SLC4A4: variants seen among roughly 807,000 people sequenced by gnomAD.
SLC4A4 encodes solute carrier family 4 member 4, also known as electrogenic sodium bicarbonate cotransporter 1.
Under a neutral mutation model 111.5 loss-of-function variants are expected in SLC4A4, and 27 were observed. The ratio of observed to expected loss-of-function variants is 0.24; its 90% CI spans 0.18 to 0.33. The LOEUF is 0.33. Among genes scored for constraint, SLC4A4 ranks in the 10% least tolerant of loss-of-function variants. The pLI is 1.00. For missense variants in SLC4A4, 909 were observed against 1,315.5 expected, an observed-to-expected ratio of 0.69 and a Z score of 4.78; for synonymous variants, 443 against 463.4, an observed-to-expected ratio of 0.96 and a Z score of 0.57.
chr4:71,396,276 G>A (rs898642958), intron 6 of SLC4A4, among the ~76,000 whole-genome samples: 4 of 152,190 alleles, frequency 2.6e-5, no homozygotes, highest in African/African-American at 4.8e-5. Context: ...TTGATGAAAT[G>A]CAGCAGAGTG....
intron 6 of SLC4A4, among the ~76,000 whole-genome samples, chr4:71,365,619 A>T (rs1394713078): frequency 1.3e-5 from 2 of 152,192 alleles, no homozygotes; most frequent in Non-Finnish European, 2.9e-5. Context: ...AATACAAAGG[A>T]CAAAAAGGAG....
At chr4:71,215,718 A>G (rs1448243099) in intron 1 of SLC4A4, among the ~76,000 whole-genome samples, 1 of 152,170 alleles carries the variant, frequency 6.6e-6, no homozygotes, top group African/African-American at 2.4e-5. Context: ...AGTGGTAACT[A>G]CTGGGTGTGT....
At chr4:71,547,591 C>A in intron 19 of SLC4A4, 57 bp from the exon 20 acceptor site, 2 of 1,396,280 alleles carry the variant, frequency 1.4e-6, no homozygotes, top group East Asian at 4.6e-5. Context: ...GGTGAAAAGA[C>A]AAGAGCATGT....
At chr4:71,341,682 A>G (rs1728918102) in intron 4 of SLC4A4, among the ~76,000 whole-genome samples, 1 of 152,108 alleles carries the variant, frequency 6.6e-6, no homozygotes. Context: ...TTGTAGGCTT[A>G]TGGATTTATT....
At chr4:71,494,578 A>G (rs757725455) in intron 15 of SLC4A4, among the ~76,000 whole-genome samples, 1 of 151,896 alleles carries the variant, frequency 6.6e-6, no homozygotes, top group Non-Finnish European at 1.5e-5. Context: ...GCCTCCCTAA[A>G]TGCTGGGATT....
intron 7 of SLC4A4, among the ~76,000 whole-genome samples, chr4:71,428,236 C>T (rs1049954032): frequency 3.3e-5 from 5 of 152,044 alleles, no homozygotes; most frequent in African/African-American, 1.2e-4. Context: ...GCTGTTAGAC[C>T]TGGGCTCTCC....
At chr4:71,495,909 A>T (rs1223338953) in intron 15 of SLC4A4, among the ~76,000 whole-genome samples, 2 of 152,106 alleles carry the variant, frequency 1.3e-5, no homozygotes, top group Admixed American at 6.6e-5. Flanking sequence ...CCACATTGGC[A>T]TCCATTTAGA....
chr4:71,236,761 T>G, intron 2 of SLC4A4, 112 bp downstream of exon 2: 1 of 872,498 alleles, frequency 1.1e-6, no homozygotes, highest in Non-Finnish European at 1.8e-6. Context: ...ACCAAACCTT[T>G]TCTATAGAGT....
intron 3 of SLC4A4, among the ~76,000 whole-genome samples, chr4:71,281,752 G>A (rs2149092388): frequency 6.6e-6 from 1 of 152,282 alleles, no homozygotes; most frequent in Admixed American, 6.5e-5. Flanking sequence ...TAATGCTACA[G>A]TGGGTTATTG....
chr4:71,144,503 T>G (rs1341103696), intron 2 of SLC4A4, among the ~76,000 whole-genome samples: 1 of 152,082 alleles, frequency 6.6e-6, no homozygotes, highest in Non-Finnish European at 1.5e-5. Flanking sequence ...GGTAGCTTGA[T>G]GGGGATGGCA....
chr4:71,386,606 G>A (rs536310729), intron 6 of SLC4A4, among the ~76,000 whole-genome samples: 1 of 151,542 alleles, frequency 6.6e-6, no homozygotes, highest in Non-Finnish European at 1.5e-5. Flanking sequence ...TTGGCTGTAT[G>A]TATAATCTCA....
At chr4:71,351,049 C>T (rs527526081) in intron 5 of SLC4A4, among the ~76,000 whole-genome samples, 2 of 152,262 alleles carry the variant, frequency 1.3e-5, no homozygotes, top group African/African-American at 4.8e-5. Context: ...AACAATGGCT[C>T]CAGTTTGGAA....
chr4:71,096,669 G>A (rs1742565979), intron 2 of SLC4A4, among the ~76,000 whole-genome samples: 1 of 152,126 alleles, frequency 6.6e-6, no homozygotes. Context: ...ATGGCTGACA[G>A]GACACTGTGG....
At chr4:71,527,528 G>C (rs896975944) in intron 16 of SLC4A4, among the ~76,000 whole-genome samples, 2 of 151,970 alleles carry the variant, frequency 1.3e-5, no homozygotes, top group Non-Finnish European at 2.9e-5. Flanking sequence ...GGAGCCAGGG[G>C]GAGATCAAGC....
At chr4:71,451,661 G>A (rs147739529) in intron 11 of SLC4A4, among the ~76,000 whole-genome samples, 18 of 152,214 alleles carry the variant, frequency 1.2e-4, no homozygotes, top group African/African-American at 4.1e-4. Context: ...TTTGAAGAAA[G>A]TGCTACAGGA....
intron 16 of SLC4A4, among the ~76,000 whole-genome samples, chr4:71,531,798 CACACACAG>C (rs1733945980): frequency 1.2e-5 from 1 of 82,574 alleles, no homozygotes; most frequent in Non-Finnish European, 2.7e-5. Context: ...CACACACACA[CACACACAG>C]AAAGAGAGAG....
intron 1 of SLC4A4, among the ~76,000 whole-genome samples, chr4:71,217,504 C>G (rs1718504157): frequency 6.6e-6 from 1 of 152,078 alleles, no homozygotes; most frequent in Admixed American, 6.6e-5. Context: ...TGGAGATTGT[C>G]ATGAGCTGAG....
intron 20 of SLC4A4, among the ~76,000 whole-genome samples, chr4:71,548,483 A>G (rs6447036): frequency 0.71 from 108,355 of 151,700 alleles, 38,988 homozygotes; most frequent in Admixed American, 0.76. Context: ...GAAGTTTCCA[A>G]TTTTCTTTTA....
intron 12 of SLC4A4, among the ~76,000 whole-genome samples, chr4:71,460,250 T>C (rs1483889673): frequency 6.6e-6 from 1 of 152,144 alleles, no homozygotes; most frequent in African/African-American, 2.4e-5. Flanking sequence ...AAGGAAATAT[T>C]TACCCACATA....
Sources: gnomAD v4.1 joint callset for allele counts (sites outside exome capture counted in the v4.1 genomes callset) on GRCh38, gnomAD v4.1.1 for gene constraint, MANE v1.5 for transcripts, NCBI Gene and HGNC (gene_info 2026-07-23, HGNC 2026-07-21) for gene names.